Variants in SWAP70 observed in about 807,000 individuals in gnomAD.
The protein encoded by SWAP70 is switching B cell complex subunit SWAP70.
SWAP70 carries 34 observed loss-of-function variants against 80.2 expected under a neutral mutation model. The ratio of observed to expected loss-of-function variants is 0.42; its 90% confidence interval spans 0.32 to 0.56. The LOEUF (loss-of-function observed/expected upper bound fraction) is 0.56, where lower values mean the gene tolerates loss of function less well. Ranked by LOEUF, SWAP70 falls within the 20% of genes least tolerant of loss-of-function variation. The pLI is 0.09. For missense variants in SWAP70, 578 were observed against 690.7 expected (o/e 0.84, Z 1.83); for synonymous variants, 239 against 238.5 (o/e 1.00, Z -0.02).
At chr11:9,670,682 A>T (rs1264363863) in intron 1 of SWAP70, among the ~76,000 whole-genome samples, 2 of 152,134 alleles carry the variant, frequency 1.3e-5, no homozygotes, top group African/African-American at 2.4e-5. Context: ...GCTGGAGCTG[A>T]GGGAGAAAAC....
chr11:9,671,559 T>TATAG (rs1850392919), intron 1 of SWAP70, among the ~76,000 whole-genome samples: 1 of 66,822 alleles, frequency 1.5e-5, no homozygotes, highest in Non-Finnish European at 2.9e-5. Flanking sequence ...GAAATATATA[T>TATAG]AAATATATTT....
chr11:9,741,106 C>T (rs1045380563), intron 9 of SWAP70: 1 of 152,154 alleles, frequency 6.6e-6, no homozygotes, highest in Admixed American at 6.5e-5. Flanking sequence ...TGATCTCTGA[C>T]CCCCTGTTTT....
intron 1 of SWAP70, among the ~76,000 whole-genome samples, chr11:9,693,749 T>C (rs1381828170): frequency 6.6e-6 from 1 of 152,214 alleles, no homozygotes; most frequent in African/African-American, 2.4e-5. Context: ...AGGTTCTTTC[T>C]CTGAACAGCT....
intron 2 of SWAP70, chr11:9,703,528 G>A: frequency 2.2e-6 from 1 of 455,962 alleles, no homozygotes. Context: ...CTTCCTCAGG[G>A]AGGTTTCTCC....
intron 3 of SWAP70, among the ~76,000 whole-genome samples, 188 bp from the exon 4 acceptor site, chr11:9,724,470 C>T (rs1851180636): frequency 6.6e-6 from 1 of 152,178 alleles, no homozygotes; most frequent in Admixed American, 6.5e-5. Flanking sequence ...TTATTCTGCA[C>T]TAATACAGAC....
In SWAP70 at chr11:9,742,839, G is replaced by T. The variant is rs189650427; in HGVS notation, c.1355+2492G>T. On this transcript the variant is annotated intron_variant, in intron 9 of 11. Transcript: ENST00000318950. ...ACTAATGAAATGCACATAATCTTAC[G>T]CCAAGGGCCTGTGTAAAAGGCTGCT... is the stretch of plus-strand genomic sequence containing the variant. 3.3e-5 allele frequency among the ~76,000 whole-genome samples: 5 copies of T among 150,522 alleles called. No individual in the cohort carries two copies. In the East Asian group the frequency reaches 5.8e-4, roughly 18 times the overall value.
chr11:9,696,450 A>G (rs1850758220), intron 2 of SWAP70, among the ~76,000 whole-genome samples: 1 of 152,172 alleles, frequency 6.6e-6, no homozygotes, highest in South Asian at 2.1e-4. Flanking sequence ...AGTGTTAATA[A>G]TTTAGAGAAT....
intron 9 of SWAP70, chr11:9,741,129 T>A (rs1377371845): frequency 6.6e-6 from 1 of 152,212 alleles, no homozygotes; most frequent in Non-Finnish European, 1.5e-5. Context: ...GGAGCAGTTA[T>A]GAGATGAGCT....
In SWAP70 at chr11:9,749,150, C is replaced by T. The variant is rs774983267; in HGVS notation, c.1618C>T (p.His540Tyr). ...CAAGAGCTGGAAGGACAAAGTGGCC[C>T]ATCATGAAGGATTAATTCGACTGAT... ...KTKSWKDKVA[H>Y]HEGLIRLIEP... The change falls in exon 11 of 12, where the codon CAT becomes TAT. Residue 540 changes from histidine to tyrosine, a missense_variant. Coordinates refer to ENST00000318950, the MANE Select transcript of SWAP70 (RefSeq NM_015055.4). 1 of 1,612,260 alleles carries T rather than the reference C, an allele frequency of 6.2e-7. No homozygotes were observed. Among genetic ancestry groups the T allele is most frequent in the Admixed American group, 1.7e-5 (1 of 59,944 alleles).
chr11:9,711,986 A>G (rs1424668804), intron 2 of SWAP70, among the ~76,000 whole-genome samples: 2 of 152,064 alleles, frequency 1.3e-5, no homozygotes, highest in Non-Finnish European at 2.9e-5. Context: ...GCTTTCTCAC[A>G]TTCTGTTCTA....
intron 10 of SWAP70, 96 bp downstream of exon 10, chr11:9,748,152 T>C: frequency 7.8e-7 from 1 of 1,288,586 alleles, no homozygotes; most frequent in Non-Finnish European, 1.1e-6. Flanking sequence ...TATGAAGCTG[T>C]AGTAAGAATC....
intron 2 of SWAP70, among the ~76,000 whole-genome samples, chr11:9,696,242 C>A (rs543244729): frequency 6.6e-6 from 1 of 151,918 alleles, no homozygotes; most frequent in Non-Finnish European, 1.5e-5. Flanking sequence ...TCGGTTTTTC[C>A]CTTGGGTTGG....
At chr11:9,679,930 G>T (rs1191774206) in intron 1 of SWAP70, among the ~76,000 whole-genome samples, 1 of 152,130 alleles carries the variant, frequency 6.6e-6, no homozygotes. Flanking sequence ...CAGCCTTCCA[G>T]AGTGCTGGGA....
At chr11:9,690,990 A>T (rs929944094) in intron 1 of SWAP70, among the ~76,000 whole-genome samples, 3 of 151,650 alleles carry the variant, frequency 2.0e-5, no homozygotes, top group African/African-American at 4.8e-5. Context: ...TGCAGCCTCG[A>T]CCTCCCTAGG....
At chr11:9,738,136 G>T in intron 7 of SWAP70, 77 bp from the exon 8 acceptor site, 1 of 985,222 alleles carries the variant, frequency 1.0e-6, no homozygotes, top group Non-Finnish European at 1.5e-6. Context: ...CTGTACTTAA[G>T]TATGACTGTC....
chr11:9,696,300 G>C (rs147171205), intron 2 of SWAP70, among the ~76,000 whole-genome samples: 98 of 152,278 alleles, frequency 6.4e-4, no homozygotes, highest in Middle Eastern at 3.4e-3. Flanking sequence ...TGCAAGAAAA[G>C]ATGGTACATT....
chr11:9,685,833 C>T (rs928640837), intron 1 of SWAP70, among the ~76,000 whole-genome samples: 2 of 152,142 alleles, frequency 1.3e-5, no homozygotes, highest in African/African-American at 4.8e-5. Context: ...GGGGTTTCAC[C>T]ATGTTGGCCA....
Position 9,680,048 on chromosome 11 carries a change from A to C in SWAP70, c.100-14098A>C, listed in dbSNP as rs189790586. 1.2e-4 allele frequency among the ~76,000 whole-genome samples: 18 copies of C among 152,344 alleles called. No individual in the cohort carries two copies. The East Asian group carries it at 3.3e-3, about 28-fold the overall frequency. ...AGAAATTCTTTCTTATTTTCTACCA[A>C]ACAATGATGTTGAAGAAAACTAATG... On this transcript the variant is annotated intron_variant, in intron 1 of 11. Coordinates refer to ENST00000318950, the MANE Select transcript of SWAP70 (RefSeq NM_015055.4).
intron 1 of SWAP70, among the ~76,000 whole-genome samples, chr11:9,688,722 T>C (rs572075517): frequency 2.0e-5 from 3 of 152,196 alleles, no homozygotes; most frequent in South Asian, 2.1e-4. Context: ...TACTTAGGGA[T>C]TGAGAGCAAT....
Sources: gnomAD v4.1 joint callset for allele counts (sites outside exome capture counted in the v4.1 genomes callset) on GRCh38, gnomAD v4.1.1 for gene constraint, MANE v1.5 for transcripts, NCBI Gene and HGNC (gene_info 2026-07-23, HGNC 2026-07-21) for gene names.